The following ATF7IP variants were observed in gnomAD, a reference collection of about 807,000 sequenced individuals.
ATF7IP encodes the protein activating transcription factor 7-interacting protein 1.
A neutral mutation model predicts 106.4 loss-of-function variants in ATF7IP; 23 were observed. That is an observed-to-expected ratio of 0.22 (90% CI 0.16 to 0.31). The LOEUF (loss-of-function observed/expected upper bound fraction) is 0.31. Ranked by LOEUF, ATF7IP falls within the 10% of genes least tolerant of loss-of-function variation. The pLI is 1.00. For missense variants in ATF7IP, 1,334 were observed against 1,524.3 expected, an observed-to-expected ratio of 0.88 and a Z score of 2.08; for synonymous variants, 542 against 539.0, an observed-to-expected ratio of 1.01 and a Z score of -0.08.
intron 12 of ATF7IP, among the ~76,000 whole-genome samples, chr12:14,480,510 G>C (rs1463045685): frequency 6.6e-6 from 1 of 152,154 alleles, no homozygotes; most frequent in African/African-American, 2.4e-5. Context: ...TGGTCAAAGA[G>C]ATAGGTTGGC....
chr12:14,372,253 A>T (rs1938562616), intron 1 of ATF7IP, among the ~76,000 whole-genome samples: 1 of 152,134 alleles, frequency 6.6e-6, no homozygotes, highest in Non-Finnish European at 1.5e-5. Flanking sequence ...AAGAAAATTA[A>T]ACTTTTTATA....
intron 1 of ATF7IP, among the ~76,000 whole-genome samples, chr12:14,401,666 T>C (rs1212621463): frequency 6.6e-6 from 1 of 151,624 alleles, no homozygotes; most frequent in African/African-American, 2.4e-5. Flanking sequence ...TTACTTTTGG[T>C]TTTCAATTTT....
intron 10 of ATF7IP, among the ~76,000 whole-genome samples, chr12:14,470,805 AAAG>A (rs1944015284): frequency 6.6e-6 from 1 of 152,222 alleles, no homozygotes; most frequent in Admixed American, 6.5e-5. Flanking sequence ...ATTTGTCAAA[AAAG>A]AAAGTCTATT....
chr12:14,451,942 T>G (rs1025130075), intron 6 of ATF7IP, among the ~76,000 whole-genome samples: 3 of 152,218 alleles, frequency 2.0e-5, no homozygotes, highest in Non-Finnish European at 2.9e-5. Flanking sequence ...TATCCATTAT[T>G]GAAAGTGGGG....
chr12:14,428,506 A>T (rs1158883731), intron 2 of ATF7IP, among the ~76,000 whole-genome samples: 1 of 152,170 alleles, frequency 6.6e-6, no homozygotes, highest in African/African-American at 2.4e-5. Context: ...TGTTCTCTTT[A>T]TATGGCGACA....
chr12:14,478,853 A>G (rs570698256), intron 12 of ATF7IP, among the ~76,000 whole-genome samples: 5 of 152,316 alleles, frequency 3.3e-5, no homozygotes, highest in African/African-American at 9.6e-5. Context: ...ATGGTTAAAT[A>G]TGCTTGGGAA....
At chr12:14,460,450 A>G (rs1416719150) in intron 8 of ATF7IP, 45 bp from the exon 9 acceptor site, 6 of 1,518,432 alleles carry the variant, frequency 4.0e-6, no homozygotes, top group Non-Finnish European at 5.3e-6. Flanking sequence ...TAGTTGATAA[A>G]TTAATATAAC....
chr12:14,385,459 A>C, intron 1 of ATF7IP: 1 of 1,462,922 alleles, frequency 6.8e-7, no homozygotes, highest in Non-Finnish European at 9.2e-7. Context: ...TTTAAAAAGG[A>C]ATTTAACTGA....
intron 1 of ATF7IP, among the ~76,000 whole-genome samples, chr12:14,402,169 C>G (rs1206103713): frequency 6.9e-6 from 1 of 144,960 alleles, no homozygotes; most frequent in Non-Finnish European, 1.5e-5. Context: ...GTTCTGTAGC[C>G]CGGACTGGAG....
At chr12:14,493,049 A>G (rs1239526094) in intron 13 of ATF7IP, among the ~76,000 whole-genome samples, 1 of 152,194 alleles carries the variant, frequency 6.6e-6, no homozygotes. Context: ...AAGGGAGATA[A>G]ATCATTTCCA....
chr12:14,393,654 T>C (rs572557985), intron 1 of ATF7IP, among the ~76,000 whole-genome samples: 1 of 152,132 alleles, frequency 6.6e-6, no homozygotes, highest in South Asian at 2.1e-4. Context: ...TAGCTGAAAA[T>C]AAGATTTAAA....
chr12:14,420,074 G>A (rs941088238), intron 1 of ATF7IP: 3 of 152,116 alleles, frequency 2.0e-5, no homozygotes, highest in Admixed American at 6.6e-5. Context: ...AAAAAGTTAG[G>A]TTTACTATTT....
At chr12:14,490,198 C>T (rs1465678126) in intron 13 of ATF7IP, among the ~76,000 whole-genome samples, 2 of 152,208 alleles carry the variant, frequency 1.3e-5, no homozygotes, top group African/African-American at 4.8e-5. Context: ...ACACGGGTGG[C>T]TGCGGATAGA....
chr12:14,489,568 A>G (rs1183004970), intron 13 of ATF7IP, among the ~76,000 whole-genome samples: 1 of 152,100 alleles, frequency 6.6e-6, no homozygotes, highest in Admixed American at 6.5e-5. Flanking sequence ...AATCCTGGCT[A>G]TGGGAGAAAC....
At chr12:14,374,852 T>C (rs1938670157) in intron 1 of ATF7IP, among the ~76,000 whole-genome samples, 1 of 152,204 alleles carries the variant, frequency 6.6e-6, no homozygotes, top group Non-Finnish European at 1.5e-5. Context: ...AATTTTTCTT[T>C]GCTTTACTTC....
At chr12:14,441,266 T>A (rs909466749) in intron 5 of ATF7IP, among the ~76,000 whole-genome samples, 6 of 152,174 alleles carry the variant, frequency 3.9e-5, no homozygotes, top group African/African-American at 1.4e-4. Flanking sequence ...TTTTTATTAT[T>A]ATAGCATCTG....
rs546641837 is a variant in ATF7IP, at chr12:14,497,558, A to T, written c.3394-96A>T. 4.5e-5 allele frequency: 56 copies of T among 1,238,086 alleles called. No individual in the cohort carries two copies. The African/African-American group carries it at 8.2e-4, about 18-fold the overall frequency. 76.7% of individuals were successfully genotyped at this position (1,238,086 alleles called of 1,614,324 possible). A position where few individuals can be genotyped will look rare whatever the true frequency, so the allele number is the denominator to read the frequency against. ...TTCCTAGAATTCTTGATATAAAATG[A>T]TACTTCTACGTATGTTCTCTAAGGT... On this transcript the variant is annotated intron_variant, in intron 14 of 14. Transcript: ENST00000261168.
At chr12:14,468,531 T>C (rs1943920644) in intron 10 of ATF7IP, among the ~76,000 whole-genome samples, 1 of 150,826 alleles carries the variant, frequency 6.6e-6, no homozygotes, top group Admixed American at 6.6e-5. Flanking sequence ...AGGAATTGAC[T>C]TCATCAGAAA....
chr12:14,390,338 A>T (rs1939476886), intron 1 of ATF7IP, among the ~76,000 whole-genome samples: 1 of 152,244 alleles, frequency 6.6e-6, no homozygotes, highest in Admixed American at 6.5e-5. Flanking sequence ...AATTTTATAT[A>T]GAGTGCCATG....
Sources: allele counts gnomAD v4.1 joint callset (sites outside exome capture counted in the v4.1 genomes callset), GRCh38; gene constraint gnomAD v4.1.1; transcripts MANE v1.5; gene names NCBI Gene and HGNC (gene_info 2026-07-23, HGNC 2026-07-21).